Variants in ATP2A2 observed in about 807,000 individuals in gnomAD.
ATP2A2 encodes the protein sarcoplasmic/endoplasmic reticulum calcium ATPase 2.
Under a neutral mutation model 109.3 loss-of-function variants are expected in ATP2A2, and 14 were observed. The ratio of observed to expected loss-of-function variants is 0.13; its 90% CI spans 0.08 to 0.20. ATP2A2 has a LOEUF of 0.20. ATP2A2 is among the 10% of genes least tolerant of loss of function. The pLI is 1.00. For synonymous variants in ATP2A2, 506 were observed against 490.9 expected (o/e 1.03, Z -0.41); for missense variants, 657 against 1,321.6 (o/e 0.50, Z 7.80).
chr12:110,339,737 G>T lies in ATP2A2; in HGVS notation c.1761+16G>T, dbSNP rs770342209. 5.0e-6 allele frequency: 8 copies of T among 1,612,046 alleles called. No individual in the cohort carries two copies. Among genetic ancestry groups the T allele is most frequent in the Non-Finnish European group, 6.8e-6 (8 of 1,178,714 alleles). Reference sequence around the variant, plus strand: ...TAAATATGAGGTTAGCTAATGAAAAGTTTCTTTGTCCACACCCTGCACGAT... The same window carrying T: ...TAAATATGAGGTTAGCTAATGAAAATTTTCTTTGTCCACACCCTGCACGAT... On this transcript the variant is annotated intron_variant, in intron 13 of 19. Transcript: ENST00000539276. This position sits in a 1 kb window ranked among gnomAD's most constrained non-coding sequence, Gnocchi z 4.4.
rs924205538 is a variant in ATP2A2, at chr12:110,349,080, G to A, written c.*2610G>A. 5.1e-6 allele frequency: 5 copies of A among 985,384 alleles called. No homozygotes were observed. In the African/African-American group the frequency reaches 7.0e-5, roughly 14 times the overall value. 61.0% of individuals were successfully genotyped at this position (985,384 alleles called of 1,614,324 possible). On this transcript the variant is annotated 3_prime_UTR_variant, in exon 20 of 20. Coordinates refer to ENST00000539276, the MANE Select transcript of ATP2A2 (RefSeq NM_170665.4). The stretch of plus-strand genomic sequence containing the variant: ...CCTCCAGCCCACAGAGGAGCCCATG[G>A]AGGGACCCACTTCCCTTGGTCCAGA...
At chr12:110,344,484 G>A (rs1048004941) in intron 16 of ATP2A2, among the ~76,000 whole-genome samples, 2 of 152,162 alleles carry the variant, frequency 1.3e-5, no homozygotes, top group African/African-American at 4.8e-5. Context: ...CAACTAGGCA[G>A]CAATAGTTTG....
chr12:110,315,298 A>C (rs899463764), intron 5 of ATP2A2, among the ~76,000 whole-genome samples: 6 of 152,240 alleles, frequency 3.9e-5, no homozygotes, highest in African/African-American at 1.4e-4. Context: ...AACATTGCTT[A>C]GTGCATGGTT....
At position 110,332,737 on chromosome 12, in the gene ATP2A2, T is replaced by C. The variant is rs1301286844; in HGVS notation, c.1184+52T>C. The C allele has an allele frequency of 2.1e-6, 3 of 1,442,144 alleles. No individual in the cohort carries two copies. The African/African-American group carries it at 4.2e-5, about 20-fold the overall frequency. The allele number at this position is 1,442,144 out of a possible 1,614,324, so 89.3% of individuals were successfully genotyped here. ...GGATCTGGTGTGGCAGTTTAGTATTTGTATTGATTTGCAGCATGTCTACAA... is the reference window on the plus strand; with the variant it reads ...GGATCTGGTGTGGCAGTTTAGTATTCGTATTGATTTGCAGCATGTCTACAA... On this transcript the variant is annotated intron_variant, in intron 9 of 19. Transcript: ENST00000539276.
intron 5 of ATP2A2, among the ~76,000 whole-genome samples, chr12:110,303,720 G>C (rs1381266908): frequency 6.6e-6 from 1 of 151,934 alleles, no homozygotes; most frequent in Non-Finnish European, 1.5e-5. Context: ...AGCCACGCCT[G>C]GCTAATATTT....
At chr12:110,296,513 T>A (rs1873978122) in intron 4 of ATP2A2, 86 bp from the exon 5 acceptor site, 7 of 1,554,762 alleles carry the variant, frequency 4.5e-6, no homozygotes, top group Non-Finnish European at 6.2e-6. Flanking sequence ...TTTTAAAGAT[T>A]AGACCTCTAA....
In ATP2A2 at chr12:110,333,939, A is replaced by G. The variant is rs1252903200; in HGVS notation, c.1288-73A>G. 59 of 1,597,452 alleles carry G rather than the reference A, an allele frequency of 3.7e-5. 1 individual carries two copies. The highest frequency in any genetic ancestry group is 4.6e-5 in the Non-Finnish European group (54 of 1,168,478). On this transcript the variant is annotated intron_variant, in intron 10 of 19. Transcript: ENST00000539276. ...GAGGACAGATTGTGCTTTTGTGGAA[A>G]AAAAATATTAAAGATAAATTTATCT... is the stretch of plus-strand genomic sequence containing the variant.
intron 8 of ATP2A2, among the ~76,000 whole-genome samples, chr12:110,328,408 C>G (rs761822613): frequency 6.6e-6 from 1 of 151,930 alleles, no homozygotes; most frequent in African/African-American, 2.4e-5. Flanking sequence ...CTGTCTCTAC[C>G]GAAAAGACAA....
intron 3 of ATP2A2, among the ~76,000 whole-genome samples, chr12:110,291,640 C>CTTTTTTT (rs34738611): frequency 1.7e-5 from 2 of 116,154 alleles, no homozygotes; most frequent in Non-Finnish European, 1.7e-5. Context: ...GTGCTAGCCA[C>CTTTTTTT]TTTTTTTTTT....
chr12:110,320,971 G>A (rs971999333), intron 5 of ATP2A2, among the ~76,000 whole-genome samples: 1 of 152,234 alleles, frequency 6.6e-6, no homozygotes, highest in African/African-American at 2.4e-5. Flanking sequence ...GCTCACGCCT[G>A]TAATCTCAGC....
intron 8 of ATP2A2, chr12:110,330,208 A>T (rs982485114): frequency 1.3e-5 from 2 of 152,176 alleles, no homozygotes; most frequent in Non-Finnish European, 2.9e-5. Flanking sequence ...TAATCAGTTA[A>T]GCCCTGTGAA....
intron 5 of ATP2A2, among the ~76,000 whole-genome samples, chr12:110,299,592 C>T (rs551526922): frequency 3.4e-4 from 52 of 152,088 alleles, no homozygotes; most frequent in Non-Finnish European, 6.5e-4. Flanking sequence ...AAAGAGTGAG[C>T]CTCTGACTTA....
At chr12:110,315,303 A>C (rs1876550761) in intron 5 of ATP2A2, among the ~76,000 whole-genome samples, 2 of 152,232 alleles carry the variant, frequency 1.3e-5, no homozygotes, top group Admixed American at 1.3e-4. Flanking sequence ...TGCTTAGTGC[A>C]TGGTTGCCTT....
rs3026434 is a variant in ATP2A2, at chr12:110,281,870, A to G, written c.81A>G (p.Glu27=). The change falls in exon 1 of 20, where the codon GAA becomes GAG. Residue 27 remains glutamate (E), a synonymous_variant. Coordinates refer to ENST00000539276, the MANE Select transcript of ATP2A2 (RefSeq NM_170665.4). Reference sequence around the variant, plus strand: ...ACGAGAGTACGGGGCTGAGCCTGGAACAGGTCAAGAAGCTTAAGGAGAGAT... The same window carrying G: ...ACGAGAGTACGGGGCTGAGCCTGGAGCAGGTCAAGAAGCTTAAGGAGAGAT... ...GVNESTGLSL[E]QVKKLKERWG... The G allele has an allele frequency of 9.6e-3, 15,182 of 1,579,124 alleles. 80 individuals are homozygous for G. The highest frequency in any genetic ancestry group is 0.014 in the African/African-American group (991 of 72,382).
At chr12:110,292,429 G>A (rs1156462494) in intron 4 of ATP2A2, among the ~76,000 whole-genome samples, 2 of 152,022 alleles carry the variant, frequency 1.3e-5, no homozygotes, top group African/African-American at 4.8e-5. Flanking sequence ...ACCACGCCCA[G>A]CTCATTTTTG....
At chr12:110,319,558 G>A (rs1438548912) in intron 5 of ATP2A2, among the ~76,000 whole-genome samples, 1 of 149,920 alleles carries the variant, frequency 6.7e-6, no homozygotes, top group Non-Finnish European at 1.5e-5. Context: ...CCTTTATAAA[G>A]GGAAAGAGTA....
intron 6 of ATP2A2, 166 bp from the exon 7 acceptor site, chr12:110,326,224 A>G (rs1300013229): frequency 1.5e-6 from 1 of 663,030 alleles, no homozygotes; most frequent in Non-Finnish European, 2.7e-6. Flanking sequence ...AATTTCCATT[A>G]CTAAGTTTTC....
At chr12:110,344,756 C>T (rs1879679978) in intron 16 of ATP2A2, 130 bp from the exon 17 acceptor site, 1 of 893,906 alleles carries the variant, frequency 1.1e-6, no homozygotes, top group Admixed American at 1.9e-5. Context: ...GGTGGTAGCA[C>T]CACAGGCCCC....
In ATP2A2 at chr12:110,346,592, A is replaced by ACT; in HGVS notation, c.*125_*126dup. ...TACTGGCTGGTGATGGAGGTTTCAT[A>ACT]CTCTAGATTTTGTTTTGCTTTTTCT... On this transcript the variant is annotated 3_prime_UTR_variant, in exon 20 of 20. Coordinates refer to ENST00000539276, the MANE Select transcript of ATP2A2 (RefSeq NM_170665.4). The ACT allele has an allele frequency of 6.6e-7, 1 of 1,521,846 alleles. No individual in the cohort carries two copies. Among genetic ancestry groups the ACT allele is most frequent in the Non-Finnish European group, 8.8e-7 (1 of 1,141,788 alleles). The allele number at this position is 1,521,846 out of a possible 1,614,324, so 94.3% of individuals were successfully genotyped here. A position where few individuals can be genotyped will look rare whatever the true frequency, so the allele number is the denominator to read the frequency against.
Sources: allele counts gnomAD v4.1 joint callset (sites outside exome capture counted in the v4.1 genomes callset), GRCh38; gene constraint gnomAD v4.1.1; non-coding constraint Gnocchi (gnomAD v3.1); transcripts MANE v1.5; gene names NCBI Gene and HGNC (gene_info 2026-07-23, HGNC 2026-07-21).